The following ELOVL5 variants were observed in gnomAD, a reference collection of about 807,000 sequenced individuals.
ELOVL5 encodes the protein very long chain fatty acid elongase 5.
ELOVL5 carries 8 observed loss-of-function variants against 38.6 expected under a neutral mutation model. That is an observed-to-expected ratio of 0.21 (90% CI 0.12 to 0.37). The LOEUF (loss-of-function observed/expected upper bound fraction) is 0.37, where lower values mean the gene tolerates loss of function less well. Among genes scored for constraint, ELOVL5 ranks in the 10% least tolerant of loss-of-function variants. The pLI is 1.00. For missense variants in ELOVL5, 280 were observed against 367.8 expected (o/e 0.76, Z 1.95); for synonymous variants, 127 against 133.7 (o/e 0.95, Z 0.34).
intron 3 of ELOVL5, among the ~76,000 whole-genome samples, chr6:53,285,056 TG>T (rs1045441724): frequency 9.6e-4 from 146 of 152,210 alleles, no homozygotes; most frequent in African/African-American, 3.4e-3. Context: ...AGTGCTGAAG[TG>T]AAAGGAAGAG....
chr6:53,328,850 T>G (rs570348080), intron 1 of ELOVL5, among the ~76,000 whole-genome samples: 1 of 152,336 alleles, frequency 6.6e-6, no homozygotes, highest in South Asian at 2.1e-4. Flanking sequence ...GTTTTGGGTT[T>G]TTACTTTAAA....
In ELOVL5 at chr6:53,269,290, A is replaced by G; in HGVS notation, c.757-20T>C. 1 of 1,551,802 alleles carries G rather than the reference A, an allele frequency of 6.4e-7. No homozygotes were observed. The highest frequency in any genetic ancestry group is 8.6e-7 in the Non-Finnish European group (1 of 1,156,354). Reference sequence around the variant, plus strand: ...GTAGGTCTAAAATGTGTAAGGGCAGATGAGAACCAAATGACCACAGTTTTC... The same window carrying G: ...GTAGGTCTAAAATGTGTAAGGGCAGGTGAGAACCAAATGACCACAGTTTTC... On this transcript the variant is annotated intron_variant, in intron 7 of 7. Transcript: ENST00000304434.
intron 6 of ELOVL5, 101 bp downstream of exon 6, chr6:53,273,119 G>T: frequency 8.0e-7 from 1 of 1,246,104 alleles, no homozygotes; most frequent in Non-Finnish European, 1.1e-6. Flanking sequence ...GAAAAAGGGT[G>T]GAGAAGGGGC....
At position 53,331,774 on chromosome 6, in the gene ELOVL5, T is replaced by G. The variant is rs574178360; in HGVS notation, c.-9+17043A>C. 3.3e-5 allele frequency among the ~76,000 whole-genome samples: 5 copies of G among 152,358 alleles called. No homozygotes were observed. In the East Asian group the frequency reaches 9.6e-4, roughly 29 times the overall value. ...TAATTATAATGAATAAATCTTACAC[T>G]AAATATATTGTAACTGTATTAGTCC... is the stretch of plus-strand genomic sequence containing the variant. On this transcript the variant is annotated intron_variant, in intron 1 of 7. Transcript: ENST00000304434.
chr6:53,311,993 A>G (rs1221667670), intron 1 of ELOVL5, among the ~76,000 whole-genome samples: 1 of 152,212 alleles, frequency 6.6e-6, no homozygotes, highest in Non-Finnish European at 1.5e-5. Flanking sequence ...AAGGAAATAC[A>G]AGCAGATGTG....
At chr6:53,310,594 G>A (rs1767790850) in intron 1 of ELOVL5, among the ~76,000 whole-genome samples, 1 of 152,106 alleles carries the variant, frequency 6.6e-6, no homozygotes, top group Non-Finnish European at 1.5e-5. Flanking sequence ...ATCACAAGTT[G>A]ATTTTTTTGT....
Position 53,275,012 on chromosome 6 carries a change from C to A in ELOVL5, c.496+78G>T, listed in dbSNP as rs1766058683. On this transcript the variant is annotated intron_variant, in intron 5 of 7. Coordinates refer to ENST00000304434, the MANE Select transcript of ELOVL5 (RefSeq NM_021814.5). ...CTGACCTAGACATTTACAGAAACAG[C>A]ACCTTTTCTGAAAGCCTTAGTTTCA... 2.9e-6 allele frequency: 4 copies of A among 1,381,888 alleles called. No homozygotes were observed. In the South Asian group the frequency reaches 5.3e-5, roughly 18 times the overall value. The allele number at this position is 1,381,888 out of a possible 1,614,324, so 85.6% of individuals were successfully genotyped here.
chr6:53,294,224 T>C (rs1766890681), intron 2 of ELOVL5: 4 of 1,497,048 alleles, frequency 2.7e-6, no homozygotes, highest in East Asian at 4.9e-5. Flanking sequence ...CAGCCCCAGG[T>C]AGAGAATCCT....
In ELOVL5 at chr6:53,269,253, C is replaced by T; in HGVS notation, c.774G>A (p.Gly258=). The T allele has an allele frequency of 6.2e-7, 1 of 1,610,532 alleles. No homozygotes were observed. The highest frequency in any genetic ancestry group is 8.5e-7 in the Non-Finnish European group (1 of 1,178,270). The change falls in exon 8 of 8, where the codon GGG becomes GGA. Residue 258 remains glycine (G), a synonymous_variant. Coordinates refer to ENST00000304434, the MANE Select transcript of ELOVL5 (RefSeq NM_021814.5). ...NFYIQTYNKK[G]ASRRKDHLKD... ...TCAGGTGGTCTTTCCTTCGGGAGGC[C>T]CCTTTCTTGTTGTAGGTCTAAAATG...
At chr6:53,327,643 C>T (rs776688941) in intron 1 of ELOVL5, among the ~76,000 whole-genome samples, 7 of 152,058 alleles carry the variant, frequency 4.6e-5, no homozygotes, top group Non-Finnish European at 8.8e-5. Flanking sequence ...GTACTAAATG[C>T]CACTGAGTTG....
intron 1 of ELOVL5, among the ~76,000 whole-genome samples, chr6:53,304,974 G>A (rs1186476621): frequency 6.6e-6 from 1 of 152,040 alleles, no homozygotes; most frequent in African/African-American, 2.4e-5. Flanking sequence ...GCCGGGCAGA[G>A]GGGCTCCTCA....
intron 3 of ELOVL5, among the ~76,000 whole-genome samples, chr6:53,285,035 A>C (rs545588948): frequency 6.6e-6 from 1 of 152,284 alleles, no homozygotes; most frequent in Non-Finnish European, 1.5e-5. Flanking sequence ...ATAATCCTAC[A>C]ATGGCCTCTA....
At chr6:53,304,456 A>T (rs1268143712) in intron 1 of ELOVL5, among the ~76,000 whole-genome samples, 1 of 150,706 alleles carries the variant, frequency 6.6e-6, no homozygotes, top group Non-Finnish European at 1.5e-5. Context: ...ATTTTATTTT[A>T]TTTTATTTTA....
chr6:53,294,330 T>A (rs758178073), intron 2 of ELOVL5: 4 of 1,576,758 alleles, frequency 2.5e-6, no homozygotes, highest in Non-Finnish European at 3.4e-6. Context: ...TTTTGAGGGA[T>A]GACAGCTGGC....
At chr6:53,282,811 G>A (rs1766410833) in intron 3 of ELOVL5, among the ~76,000 whole-genome samples, 1 of 152,126 alleles carries the variant, frequency 6.6e-6, no homozygotes, top group Non-Finnish European at 1.5e-5. Context: ...GGTTGCTTAA[G>A]TGTTTTTCCA....
At chr6:53,348,440 G>A (rs988696567) in intron 1 of ELOVL5, among the ~76,000 whole-genome samples, 33 of 152,112 alleles carry the variant, frequency 2.2e-4, no homozygotes, top group East Asian at 1.6e-3. Flanking sequence ...AGGGCGGGAG[G>A]ACCCAGGCGG....
intron 2 of ELOVL5, chr6:53,294,277 G>T: frequency 6.4e-7 from 1 of 1,558,312 alleles, no homozygotes; most frequent in Non-Finnish European, 8.7e-7. Flanking sequence ...CCCTCTGGTG[G>T]CTGGTTCAGG....
intron 1 of ELOVL5, among the ~76,000 whole-genome samples, chr6:53,319,934 A>G (rs1768228719): frequency 6.6e-6 from 1 of 152,240 alleles, no homozygotes; most frequent in Non-Finnish European, 1.5e-5. Context: ...TGTGTAAGTA[A>G]GACGAAGGTT....
intron 2 of ELOVL5, among the ~76,000 whole-genome samples, chr6:53,293,651 A>G (rs1766861019): frequency 6.6e-6 from 1 of 152,152 alleles, no homozygotes; most frequent in African/African-American, 2.4e-5. Flanking sequence ...AGACTGGACC[A>G]TCTTGCTACT....
Sources: gnomAD v4.1 joint callset for allele counts (sites outside exome capture counted in the v4.1 genomes callset) on GRCh38, gnomAD v4.1.1 for gene constraint, MANE v1.5 for transcripts, NCBI Gene and HGNC (gene_info 2026-07-23, HGNC 2026-07-21) for gene names.